TRAPPC9: variants seen among roughly 807,000 people sequenced by gnomAD.
TRAPPC9 encodes IKK2 binding protein.
Under a neutral mutation model 124.0 loss-of-function variants are expected in TRAPPC9, and 83 were observed. The observed-to-expected ratio is 0.67, with a 90% CI of 0.56 to 0.80. The LOEUF (loss-of-function observed/expected upper bound fraction) is 0.80. Ranked by LOEUF, TRAPPC9 falls within the 30% of genes least tolerant of loss-of-function variation. The probability of loss-of-function intolerance (pLI) is 0.00; values close to 1 mark genes in which losing one functional copy is unlikely to be tolerated. For synonymous variants in TRAPPC9, 638 were observed against 617.5 expected, an observed-to-expected ratio of 1.03 and a Z score of -0.49; for missense variants, 1,302 against 1,508.3, an observed-to-expected ratio of 0.86 and a Z score of 2.27.
At chr8:140,436,698 C>A (rs1346354350) in intron 3 of TRAPPC9, among the ~76,000 whole-genome samples, 2 of 152,174 alleles carry the variant, frequency 1.3e-5, no homozygotes. Context: ...TGGGCAGTAC[C>A]AGTCTTTCTG....
chr8:139,943,770 A>C (rs1249638458), intron 19 of TRAPPC9, among the ~76,000 whole-genome samples: 3 of 152,236 alleles, frequency 2.0e-5, no homozygotes, highest in Admixed American at 2.0e-4. Flanking sequence ...TAAACAATGC[A>C]TTGGATAGGC....
intron 15 of TRAPPC9, among the ~76,000 whole-genome samples, chr8:140,259,228 AAC>A (rs2131543627): frequency 6.6e-6 from 1 of 152,288 alleles, no homozygotes; most frequent in Non-Finnish European, 1.5e-5. Context: ...CAAATACAGA[AAC>A]TCTATGCGTC....
intron 19 of TRAPPC9, among the ~76,000 whole-genome samples, chr8:139,977,184 T>C (rs1249110472): frequency 6.6e-6 from 1 of 152,092 alleles, no homozygotes; most frequent in African/African-American, 2.4e-5. Flanking sequence ...AGGGCTTGAA[T>C]GTGCCAGAAC....
chr8:140,302,462 T>A (rs994967570), intron 10 of TRAPPC9, among the ~76,000 whole-genome samples: 1 of 152,210 alleles, frequency 6.6e-6, no homozygotes, highest in Non-Finnish European at 1.5e-5. Flanking sequence ...AAAATTGTAC[T>A]TAGCCTATGA....
chr8:139,761,804 C>T (rs893040668), intron 21 of TRAPPC9, among the ~76,000 whole-genome samples: 11 of 151,720 alleles, frequency 7.3e-5, no homozygotes, highest in African/African-American at 1.5e-4. Flanking sequence ...CTAGGCCTGA[C>T]GCCACACCCT....
intron 18 of TRAPPC9, among the ~76,000 whole-genome samples, chr8:140,000,665 A>G (rs1031871313): frequency 6.6e-6 from 1 of 152,260 alleles, no homozygotes; most frequent in African/African-American, 2.4e-5. Context: ...AGAAATGCAA[A>G]TCAAAACCAC....
intron 21 of TRAPPC9, among the ~76,000 whole-genome samples, chr8:139,736,210 G>A (rs932679336): frequency 1.3e-5 from 2 of 152,208 alleles, no homozygotes; most frequent in Non-Finnish European, 2.9e-5. Context: ...TGGAATGGCA[G>A]GCAGCACCTG....
At chr8:140,228,433 A>G (rs942499370) in intron 16 of TRAPPC9, among the ~76,000 whole-genome samples, 9 of 152,262 alleles carry the variant, frequency 5.9e-5, no homozygotes, top group African/African-American at 9.6e-5. Flanking sequence ...CTTAATTTCC[A>G]TAAAGAAAGC....
chr8:139,956,698 G>C (rs991351660), intron 19 of TRAPPC9, among the ~76,000 whole-genome samples: 7 of 152,226 alleles, frequency 4.6e-5, no homozygotes, highest in African/African-American at 1.7e-4. Flanking sequence ...TGTGGATGCA[G>C]AGGGGAAGCA....
intron 18 of TRAPPC9, among the ~76,000 whole-genome samples, chr8:140,009,990 T>C (rs1470454755): frequency 1.3e-5 from 2 of 152,190 alleles, no homozygotes; most frequent in Admixed American, 1.3e-4. Flanking sequence ...CCAGGTCCAT[T>C]GATGCAAACT....
upstream of TRAPPC9, chr8:140,457,760 G>C (rs532514021): frequency 8.0e-6 from 8 of 999,042 alleles, no homozygotes; most frequent in Admixed American, 2.3e-4. Flanking sequence ...CCGAGCCGGC[G>C]CTGCTCCTGC....
intron 19 of TRAPPC9, among the ~76,000 whole-genome samples, chr8:139,925,401 C>T (rs763351975): frequency 1.2e-4 from 18 of 152,134 alleles, no homozygotes; most frequent in Non-Finnish European, 2.4e-4. Flanking sequence ...TGCATAGAAA[C>T]CTGCAGAAAT....
At chr8:140,318,231 A>C (rs945978541) in intron 9 of TRAPPC9, among the ~76,000 whole-genome samples, 8 of 152,222 alleles carry the variant, frequency 5.3e-5, no homozygotes, top group African/African-American at 1.4e-4. Flanking sequence ...AAAATGTTTC[A>C]TAGCAATAAT....
chr8:140,374,577 A>AAAAAG (rs1214709831), intron 7 of TRAPPC9, among the ~76,000 whole-genome samples: 7 of 152,194 alleles, frequency 4.6e-5, no homozygotes, highest in South Asian at 4.1e-4. Context: ...TGTCAAAAAA[A>AAAAAG]AAAAGAAAAG....
At chr8:139,840,212 G>A (rs185433754) in intron 21 of TRAPPC9, among the ~76,000 whole-genome samples, 3 of 152,198 alleles carry the variant, frequency 2.0e-5, no homozygotes, top group Admixed American at 6.5e-5. Flanking sequence ...CTGTGGCTGC[G>A]GCGGCCCTGG....
chr8:140,006,821 C>T (rs529982622), intron 18 of TRAPPC9, among the ~76,000 whole-genome samples: 53 of 151,942 alleles, frequency 3.5e-4, no homozygotes, highest in African/African-American at 9.4e-4. Context: ...GCCTAGGGTG[C>T]GGGAGGGAAG....
intron 21 of TRAPPC9, among the ~76,000 whole-genome samples, chr8:139,864,875 C>T (rs1350479347): frequency 1.3e-5 from 2 of 152,166 alleles, no homozygotes; most frequent in South Asian, 4.1e-4. Context: ...ACATCCCAGT[C>T]GAAAGCATCC....
intron 1 of TRAPPC9, 53 bp downstream of exon 1, chr8:140,457,586 C>T (rs2071729653): frequency 3.0e-6 from 3 of 985,188 alleles, no homozygotes; most frequent in Non-Finnish European, 3.6e-6. Context: ...GCGCAGCCCT[C>T]CCCGCAGCCG....
In TRAPPC9 at chr8:140,068,785, C is replaced by T. The variant is rs763651720; in HGVS notation, c.2557-44706G>A. 4.6e-5 allele frequency among the ~76,000 whole-genome samples: 7 copies of T among 152,164 alleles called. No homozygotes were observed. The East Asian group carries it at 7.7e-4, about 17-fold the overall frequency. ...CAGAACAGCTCTTCATTTGGCACAA[C>T]GATATAGCTTTGCCTAATAAATTAA... On this transcript the variant is annotated intron_variant, in intron 17 of 22. Coordinates refer to ENST00000438773, the MANE Select transcript of TRAPPC9 (RefSeq NM_001160372.4).
Sources: gnomAD v4.1 joint callset for allele counts (sites outside exome capture counted in the v4.1 genomes callset) on GRCh38, gnomAD v4.1.1 for gene constraint, MANE v1.5 for transcripts, NCBI Gene and HGNC (gene_info 2026-07-23, HGNC 2026-07-21) for gene names.